Variants in CPSF1 observed in about 807,000 individuals in gnomAD.
The protein encoded by CPSF1 is cleavage and polyadenylation specific factor 1, also known as cleavage and polyadenylation specificity factor subunit 1.
CPSF1 carries 106 observed loss-of-function variants against 175.8 expected under a neutral mutation model. The ratio of observed to expected loss-of-function variants is 0.60; its 90% confidence interval spans 0.52 to 0.71. CPSF1 has a LOEUF of 0.71. CPSF1 is among the 30% of genes least tolerant of loss of function. CPSF1 has a pLI of 0.00. For missense variants in CPSF1, 1,734 were observed against 2,022.9 expected, an observed-to-expected ratio of 0.86 and a Z score of 2.74; for synonymous variants, 1,024 against 858.3, an observed-to-expected ratio of 1.19 and a Z score of -3.37.
At chr8:144,400,135 G>GGGGGGGGGGGCGCCCCC in intron 9 of CPSF1, 31 bp downstream of exon 9, 1 of 896,012 alleles carries the variant, frequency 1.1e-6, no homozygotes, top group Non-Finnish European at 1.6e-6. Flanking sequence ...CCGTCCCCGG[G>GGGGGGGGGGGCGCCCCC]CCCCCCCCGC....
Position 144,398,129 on chromosome 8 carries a change from T to C in CPSF1, c.1898A>G (p.Asn633Ser). 2 of 1,593,668 alleles carry C rather than the reference T, an allele frequency of 1.3e-6. No homozygotes were observed. The highest frequency in any genetic ancestry group is 1.7e-6 in the Non-Finnish European group (2 of 1,168,868). Residue 633 changes from asparagine (N) to serine (S), a missense_variant, in exon 20 of 38, where the codon AAT (asparagine) becomes AGT (serine). By Grantham distance (46) the Asn-to-Ser change is conservative (BLOSUM62 1). Transcript: ENST00000616140. ...PLGIRLLEGVNQLHFIPVDLG... is the reference protein window; with the variant it reads ...PLGIRLLEGVSQLHFIPVDLG... Reference sequence around the variant, plus strand: ...GTCCACGGGGATGAAGTGCAGCTGATTCACTGTAGGCATGGGGCAGTCAGC... The same window carrying C: ...GTCCACGGGGATGAAGTGCAGCTGACTCACTGTAGGCATGGGGCAGTCAGC...
In CPSF1 at chr8:144,393,247, TTTCC is replaced by T. The variant is rs1820423801; in HGVS notation, c.*67_*70del. 7.0e-7 allele frequency: 1 copy of T among 1,424,616 alleles called. No homozygotes were observed. The highest frequency in any genetic ancestry group is 2.6e-5 in the Admixed American group (1 of 38,214). The allele number at this position is 1,424,616 out of a possible 1,614,324, so 88.2% of individuals were successfully genotyped here. ...ACACTCCTCTCAAGCAAAAAATGTT[TTTCC>T]TTGTGTTTTGTACAAAAAGGGGGTG... On this transcript the variant is annotated 3_prime_UTR_variant, in exon 38 of 38. Transcript: ENST00000616140.
At chr8:144,404,666 G>A (rs189701040) in intron 2 of CPSF1, among the ~76,000 whole-genome samples, 267 of 151,016 alleles carry the variant, frequency 1.8e-3, no homozygotes, top group African/African-American at 6.3e-3. Context: ...CACTGCGCCC[G>A]GCCACCACTC....
At position 144,396,418 on chromosome 8, in the gene CPSF1, C is replaced by T. The variant is rs1198150439; in HGVS notation, c.2909G>A (p.Gly970Asp). ...ALRLHPMAID[G>D]PVDSFAPFHN... ...GAATGGAGCGAAAGAGTCGACCGGG[C>T]CGTCGATGGCCATGGGGTGTAGCCG... The change falls in exon 26 of 38, where the codon GGC becomes GAC. Residue 970 changes from glycine to aspartate, a missense_variant. Gly to Asp is a moderately conservative substitution (Grantham distance 94). Around this residue, in one of 10 missense-constraint regions of CPSF1, gnomAD observed 585 missense variants for 584.7 expected, o/e 1.00. Transcript: ENST00000616140. 6.3e-7 allele frequency: 1 copy of T among 1,591,350 alleles called. No individual in the cohort carries two copies. The highest frequency in any genetic ancestry group is 1.8e-5 in the Admixed American group (1 of 54,890).
At chr8:144,395,724 G>A (rs1554863513) in intron 26 of CPSF1, 173 bp from the exon 27 acceptor site, 1 of 616,872 alleles carries the variant, frequency 1.6e-6, no homozygotes, top group South Asian at 1.9e-5. Flanking sequence ...TCAGCCTCTG[G>A]GGCTCCTCCT....
intron 2 of CPSF1, among the ~76,000 whole-genome samples, chr8:144,404,012 C>T (rs1231083956): frequency 1.3e-5 from 2 of 151,258 alleles, no homozygotes; most frequent in African/African-American, 2.4e-5. Flanking sequence ...GTAAGGAGTT[C>T]GAGACCAGTC....
chr8:144,400,313 C>T, intron 8 of CPSF1, 37 bp from the exon 9 acceptor site: 1 of 1,612,026 alleles, frequency 6.2e-7, no homozygotes, highest in Non-Finnish European at 8.5e-7. Context: ...AGGCTCAGTG[C>T]TCTCTCCACA....
At chr8:144,396,778 G>C (rs782296734) in intron 24 of CPSF1, 37 bp from the exon 25 acceptor site, 1 of 1,612,738 alleles carries the variant, frequency 6.2e-7, no homozygotes, top group Admixed American at 1.7e-5. Flanking sequence ...AGGGGCTGCC[G>C]GTCTGAAACC....
At chr8:144,400,135 G>GCCCCCCCCCCCCCCCCCCCCCCCCCCCCA in intron 9 of CPSF1, 31 bp downstream of exon 9, 1 of 896,008 alleles carries the variant, frequency 1.1e-6, no homozygotes, top group Non-Finnish European at 1.6e-6. Flanking sequence ...CCGTCCCCGG[G>GCCCCCCCCCCCCCCCCCCCCCCCCCCCCA]CCCCCCCCGC....
Position 144,398,135 on chromosome 8 carries a change from G to A in CPSF1, c.1895-3C>T. The A allele has an allele frequency of 2.0e-6, 3 of 1,498,072 alleles. No individual in the cohort carries two copies. Among genetic ancestry groups the A allele is most frequent in the Non-Finnish European group, 2.7e-6 (3 of 1,121,276 alleles). 92.8% of individuals were successfully genotyped at this position (1,498,072 alleles called of 1,614,324 possible). On this transcript the variant is annotated splice_polypyrimidine_tract_variant and splice_region_variant and intron_variant, in intron 19 of 37. Coordinates refer to ENST00000616140, the MANE Select transcript of CPSF1 (RefSeq NM_013291.3). Reference sequence around the variant, plus strand: ...GGGGATGAAGTGCAGCTGATTCACTGTAGGCATGGGGCAGTCAGCATGCGC... The same window carrying A: ...GGGGATGAAGTGCAGCTGATTCACTATAGGCATGGGGCAGTCAGCATGCGC...
At chr8:144,397,136 G>A in intron 23 of CPSF1, 71 bp downstream of exon 23, 2 of 1,406,780 alleles carry the variant, frequency 1.4e-6, no homozygotes, top group South Asian at 2.7e-5. Context: ...CACGGGAAGG[G>A]GCGGGGCTGT....
chr8:144,395,590 G>C, intron 26 of CPSF1, 39 bp from the exon 27 acceptor site: 1 of 1,506,784 alleles, frequency 6.6e-7, no homozygotes. Flanking sequence ...TCCAGGGCTA[G>C]CCAAGGGCAG....
In CPSF1 at chr8:144,398,794, CG is replaced by C. The variant is rs1370249000; in HGVS notation, c.1622del (p.Pro541ArgfsTer35). ...GCYDMWTVIA[P>X]VRKEEEDNPK... ...TCGCACCTACCTCCTCCTTACGCAC[CG>C]GGGCGATGACTGTCCACATGTCATA... On this transcript the variant is annotated frameshift_variant, in exon 17 of 38. Transcript: ENST00000616140. LOFTEE classifies it high-confidence loss of function. 1 of 1,600,726 alleles carries C rather than the reference CG, an allele frequency of 6.2e-7. No homozygotes were observed. Among genetic ancestry groups the C allele is most frequent in the Non-Finnish European group, 8.5e-7 (1 of 1,171,172 alleles).
chr8:144,408,215 A>G (rs1359160514), intron 2 of CPSF1, among the ~76,000 whole-genome samples: 1 of 151,940 alleles, frequency 6.6e-6, no homozygotes, highest in Non-Finnish European at 1.5e-5. Context: ...CACCACATCC[A>G]GTCTATACCA....
intron 4 of CPSF1, 31 bp from the exon 5 acceptor site, chr8:144,401,322 G>A (rs2116883555): frequency 1.8e-5 from 29 of 1,593,318 alleles, no homozygotes; most frequent in African/African-American, 2.7e-5. Flanking sequence ...CGTGGCTGCC[G>A]ACTGCCGGTC....
At chr8:144,408,236 G>GTGCA (rs1432480034) in intron 2 of CPSF1, among the ~76,000 whole-genome samples, 1 of 152,056 alleles carries the variant, frequency 6.6e-6, no homozygotes, top group Non-Finnish European at 1.5e-5. Flanking sequence ...CGGCCACACT[G>GTGCA]TGCATGTCTC....
Position 144,393,583 on chromosome 8 carries a change from G to T in CPSF1, c.4153C>A (p.His1385Asn). The T allele has an allele frequency of 6.2e-7, 1 of 1,604,334 alleles. No individual in the cohort carries two copies. Residue 1385 changes from histidine (H) to asparagine (N), a missense_variant, in exon 37 of 38, where the codon CAC becomes AAC. By Grantham distance (68) the His-to-Asn change is moderately conservative (BLOSUM62 1). Transcript: ENST00000616140. ...TTCTGGAGGGTGCGGCGGTCCACGT[G>T]CAGCATCCTGGGGCGTACAGGCACA... ...GLNPRAFRML[H>N]VDRRTLQNAV...
In CPSF1 at chr8:144,400,403, G is replaced by A; in HGVS notation, c.777C>T (p.Thr259=). The A allele has an allele frequency of 3.7e-6, 6 of 1,613,862 alleles. No homozygotes were observed. The highest frequency in any genetic ancestry group is 5.1e-6 in the Non-Finnish European group (6 of 1,179,978). The stretch of plus-strand genomic sequence containing the variant: ...CCTGGGTGCAGTCAAAGGGCAGGCT[G>A]GTGAGGGACCAGATGACGGGGTGCA... ...QKVHPVIWSL[T]SLPFDCTQAL... The change falls in exon 8 of 38, where the codon ACC becomes ACT. Residue 259 remains threonine, a synonymous_variant. Transcript: ENST00000616140.
rs373855907 is a variant in CPSF1, at chr8:144,396,647, C to T, written c.2777G>A (p.Gly926Asp). 3.1e-6 allele frequency: 5 copies of T among 1,613,638 alleles called. No individual in the cohort carries two copies. The highest frequency in any genetic ancestry group is 1.3e-5 in the African/African-American group (1 of 74,930). The change falls in exon 25 of 38, where the codon GGC becomes GAC. Residue 926 changes from glycine to aspartate, a missense_variant. By Grantham distance (94) the Gly-to-Asp change is moderately conservative. Coordinates refer to ENST00000616140, the MANE Select transcript of CPSF1 (RefSeq NM_013291.3). ...GAAGTAGCGGAAACGCGCCACGCGG[C>T]CCCGGGCCCCAGCCCCCTCCTCTGC... ...GGAEEGAGAR[G>D]RVARFRYFED...
Sources: gnomAD v4.1 joint callset for allele counts (sites outside exome capture counted in the v4.1 genomes callset) on GRCh38, gnomAD v4.1.1 for gene constraint, gnomAD v4.1.1 regional missense constraint, MANE v1.5 for transcripts, NCBI Gene and HGNC (gene_info 2026-07-23, HGNC 2026-07-21) for gene names.